Variants in FMN1 observed in about 807,000 individuals in gnomAD.
The protein encoded by FMN1 is formin 1, also known as formin-1.
In FMN1, 110 loss-of-function variants were observed where a neutral mutation model predicts 132.4. That is an observed-to-expected ratio of 0.83 (90% confidence interval 0.71 to 0.97). The LOEUF is 0.97. Ranked by LOEUF, FMN1 falls within the 50% of genes least tolerant of loss-of-function variation. FMN1 has a pLI of 0.00. For missense variants in FMN1, 1,792 were observed against 1,705.3 expected, an observed-to-expected ratio of 1.05 and a Z score of -0.90; for synonymous variants, 722 against 651.7, an observed-to-expected ratio of 1.11 and a Z score of -1.64.
chr15:33,098,918 G>C (rs1218994927), intron 4 of FMN1, among the ~76,000 whole-genome samples: 1 of 152,088 alleles, frequency 6.6e-6, no homozygotes, highest in Non-Finnish European at 1.5e-5. Context: ...GCCCATGCTT[G>C]TTTTCTGGGG....
intron 17 of FMN1, among the ~76,000 whole-genome samples, chr15:32,832,700 C>T (rs940106894): frequency 6.6e-6 from 1 of 152,094 alleles, no homozygotes; most frequent in South Asian, 2.1e-4. Flanking sequence ...ATCGCTTGAA[C>T]CCGGGAGGTG....
chr15:32,913,218 A>T (rs1438378455), intron 10 of FMN1, among the ~76,000 whole-genome samples: 1 of 152,172 alleles, frequency 6.6e-6, no homozygotes, highest in East Asian at 1.9e-4. Context: ...AAAATAATGG[A>T]TCAAGTGTCT....
intron 12 of FMN1, among the ~76,000 whole-genome samples, chr15:32,906,202 G>A (rs2060421119): frequency 6.6e-6 from 1 of 152,156 alleles, no homozygotes; most frequent in Non-Finnish European, 1.5e-5. Flanking sequence ...CTTAGAACAA[G>A]GGCTGCTCGG....
chr15:32,919,723 T>G (rs1051878296), intron 10 of FMN1, among the ~76,000 whole-genome samples: 8 of 152,216 alleles, frequency 5.3e-5, no homozygotes, highest in Admixed American at 4.6e-4. Context: ...TAGACACTCT[T>G]CTAGGCTAGA....
At chr15:33,034,684 T>C (rs1162772511) in intron 6 of FMN1, among the ~76,000 whole-genome samples, 2 of 152,178 alleles carry the variant, frequency 1.3e-5, no homozygotes, top group Non-Finnish European at 2.9e-5. Flanking sequence ...GATTTTTTTT[T>C]TACTACCTCC....
chr15:33,140,113 A>G (rs1177188769), intron 4 of FMN1, among the ~76,000 whole-genome samples: 1 of 151,930 alleles, frequency 6.6e-6, no homozygotes, highest in Non-Finnish European at 1.5e-5. Flanking sequence ...CTAAGCAGCA[A>G]TATCCCTGAA....
In FMN1 at chr15:33,077,539, G is replaced by A. The variant is rs7164903; in HGVS notation, c.2043+11260C>T. On this transcript the variant is annotated intron_variant, in intron 5 of 20. Coordinates refer to ENST00000616417, the MANE Select transcript of FMN1 (RefSeq NM_001277313.2). ...TTCCCCTGACTCCACAACAGGCCCC[G>A]GTGTGTGATGTTCCCCTTCCTATGT... Among the ~76,000 whole-genome samples, 171 of 151,384 alleles carry A rather than the reference G, an allele frequency of 1.1e-3. 1 individual carries two copies. Among genetic ancestry groups the A allele is most frequent in the African/African-American group, 3.6e-3 (150 of 41,268 alleles).
Position 32,968,717 on chromosome 15 carries a change from C to T in FMN1, c.2984G>A (p.Arg995Lys), listed in dbSNP as rs765097418. The T allele has an allele frequency of 6.8e-6, 11 of 1,613,406 alleles. No individual in the cohort carries two copies. In the African/African-American group the frequency reaches 1.3e-4, roughly 20 times the overall value. ...LYWTRIQISD[R>K]SQNATPTLWD... is the part of the protein sequence containing the mutation. ...AATGGGATAGGGGAGAACTTACCTC[C>T]TATCACTTATTTGTATCCTAGTCCA... Residue 995 changes from arginine to lysine, a missense_variant, in exon 8 of 21, where the codon AGG becomes AAG. Physicochemically the swap from Arg to Lys is conservative, Grantham distance 26. Coordinates refer to ENST00000616417, the MANE Select transcript of FMN1 (RefSeq NM_001277313.2).
At chr15:32,953,188 T>G (rs1005250629) in intron 9 of FMN1, among the ~76,000 whole-genome samples, 1 of 152,176 alleles carries the variant, frequency 6.6e-6, no homozygotes, top group Non-Finnish European at 1.5e-5. Context: ...ACCTAGGAGA[T>G]CTGATAATGG....
intron 4 of FMN1, among the ~76,000 whole-genome samples, chr15:33,126,341 G>A (rs757446524): frequency 2.6e-5 from 4 of 152,208 alleles, no homozygotes; most frequent in African/African-American, 4.8e-5. Flanking sequence ...GGAGGCAGAA[G>A]GTCACTGTGG....
intron 17 of FMN1, among the ~76,000 whole-genome samples, chr15:32,806,563 A>G (rs2141018011): frequency 1.3e-5 from 2 of 152,340 alleles, no homozygotes; most frequent in South Asian, 4.1e-4. Flanking sequence ...CAGCCTTGAC[A>G]TAGTATCTAC....
intron 17 of FMN1, among the ~76,000 whole-genome samples, chr15:32,851,500 G>A (rs758748144): frequency 2.4e-3 from 366 of 152,260 alleles, no homozygotes; most frequent in Non-Finnish European, 3.7e-3. Flanking sequence ...CTCACAAAAT[G>A]CCTGCACAAG....
chr15:32,768,763 C>A lies in FMN1; in HGVS notation c.*5547G>T, dbSNP rs1409195821. The A allele has an allele frequency of 1.3e-5, 2 of 148,812 alleles. No homozygotes were observed. Among genetic ancestry groups the A allele is most frequent in the African/African-American group, 2.5e-5 (1 of 40,256 alleles). 9.2% of individuals were successfully genotyped at this position (148,812 alleles called of 1,614,324 possible). A position where few individuals can be genotyped will look rare whatever the true frequency, so the allele number is the denominator to read the frequency against. ...CCTTTAGAAAAGGAGACTAGAGATT[C>A]TCAGTATATTTAAGAGAAGATTTAA... On this transcript the variant is annotated 3_prime_UTR_variant, in exon 21 of 21. Transcript: ENST00000616417.
intron 4 of FMN1, among the ~76,000 whole-genome samples, chr15:33,128,899 T>G (rs1963407621): frequency 6.6e-6 from 1 of 152,224 alleles, no homozygotes; most frequent in African/African-American, 2.4e-5. Context: ...TTCCCTTATT[T>G]GGCCCCACCC....
rs1023746507 is a variant in FMN1 at position 32,770,361 on chromosome 15, A to G, written c.*3949T>C. 6.6e-6 allele frequency: 1 copy of G among 152,082 alleles called. No homozygotes were observed. Among genetic ancestry groups the G allele is most frequent in the African/African-American group, 2.4e-5 (1 of 41,416 alleles). 9.4% of individuals were successfully genotyped at this position (152,082 alleles called of 1,614,324 possible). A position where few individuals can be genotyped will look rare whatever the true frequency, so the allele number is the denominator to read the frequency against. On this transcript the variant is annotated 3_prime_UTR_variant, in exon 21 of 21. Coordinates refer to ENST00000616417, the MANE Select transcript of FMN1 (RefSeq NM_001277313.2). ...ACAGAAATGAGGACATGTAACTTTC[A>G]AGAAAGGAAGAGTATCATTAAAATG...
chr15:32,884,144 A>G (rs1387947570), intron 16 of FMN1, among the ~76,000 whole-genome samples: 2 of 152,220 alleles, frequency 1.3e-5, no homozygotes, highest in Non-Finnish European at 1.5e-5. Context: ...CTACTATAAT[A>G]AATTAGCACA....
chr15:33,023,857 CA>C (rs1487854091), intron 6 of FMN1, among the ~76,000 whole-genome samples: 2 of 152,130 alleles, frequency 1.3e-5, no homozygotes, highest in African/African-American at 4.8e-5. Context: ...TTTAAAGCCA[CA>C]TTTAAGAAAA....
chr15:33,157,941 G>A (rs1034658073), intron 3 of FMN1, among the ~76,000 whole-genome samples: 14 of 149,134 alleles, frequency 9.4e-5, no homozygotes, highest in South Asian at 2.1e-4. Context: ...CTGAGATTGC[G>A]CCACTGCACC....
chr15:32,850,130 A>C (rs924977865), intron 17 of FMN1, among the ~76,000 whole-genome samples: 1 of 152,216 alleles, frequency 6.6e-6, no homozygotes, highest in South Asian at 2.1e-4. Flanking sequence ...GGCAGAGTTC[A>C]TGTTCTCTAG....
Sources: gnomAD v4.1 joint callset for allele counts (sites outside exome capture counted in the v4.1 genomes callset) on GRCh38, gnomAD v4.1.1 for gene constraint, MANE v1.5 for transcripts, NCBI Gene and HGNC (gene_info 2026-07-23, HGNC 2026-07-21) for gene names.